Variants in SIPA1L2 observed in about 807,000 individuals in gnomAD.
SIPA1L2 encodes signal-induced proliferation-associated 1-like protein 2.
SIPA1L2 carries 56 observed loss-of-function variants against 163.9 expected under a neutral mutation model. That is an observed-to-expected ratio of 0.34 (90% CI 0.28 to 0.43). The LOEUF is 0.43. Among genes scored for constraint, SIPA1L2 ranks in the 20% least tolerant of loss-of-function variants. The probability of loss-of-function intolerance (pLI) is 1.00; values close to 1 mark genes in which losing one functional copy is unlikely to be tolerated. For synonymous variants in SIPA1L2, 877 were observed against 865.7 expected, an observed-to-expected ratio of 1.01 and a Z score of -0.23; for missense variants, 1,974 against 2,193.5, an observed-to-expected ratio of 0.90 and a Z score of 2.00.
intron 1 of SIPA1L2, among the ~76,000 whole-genome samples, chr1:232,588,731 C>A (rs79694177): frequency 6.6e-6 from 1 of 152,154 alleles, no homozygotes; most frequent in South Asian, 2.1e-4. Flanking sequence ...CTACATATCA[C>A]AACAGATTGA....
At chr1:232,502,399 A>G (rs1666526817) in intron 3 of SIPA1L2, among the ~76,000 whole-genome samples, 1 of 152,188 alleles carries the variant, frequency 6.6e-6, no homozygotes, top group Admixed American at 6.5e-5. Flanking sequence ...TTTTAATCTC[A>G]AAATGCTGAC....
intron 8 of SIPA1L2, among the ~76,000 whole-genome samples, chr1:232,470,632 A>G (rs959282084): frequency 6.6e-6 from 1 of 152,238 alleles, no homozygotes; most frequent in South Asian, 2.1e-4. Context: ...AGGAACTCCA[A>G]TAGGTGTTTT....
intron 1 of SIPA1L2, among the ~76,000 whole-genome samples, chr1:232,595,379 G>A (rs1661204788): frequency 6.6e-6 from 1 of 152,106 alleles, no homozygotes; most frequent in Admixed American, 6.5e-5. Flanking sequence ...GCAAAGTCTG[G>A]GCCCCAAACT....
chr1:232,548,864 G>C (rs930252794), intron 2 of SIPA1L2, among the ~76,000 whole-genome samples: 1 of 152,208 alleles, frequency 6.6e-6, no homozygotes, highest in Non-Finnish European at 1.5e-5. Flanking sequence ...GAGCGAGCAG[G>C]ATCCGTGCAA....
In SIPA1L2 at chr1:232,463,512, G is replaced by C. The variant is rs181626966; in HGVS notation, c.2820+1328C>G. Among the ~76,000 whole-genome samples, 57 of 152,264 alleles carry C rather than the reference G, an allele frequency of 3.7e-4. No individual in the cohort carries two copies. In the East Asian group the frequency reaches 0.01, roughly 28 times the overall value. ...TATATTTGTAATATTGTGCATCTTG[G>C]TCACACTGACAATACACTTTTCTAG... is the stretch of plus-strand genomic sequence containing the variant. On this transcript the variant is annotated intron_variant, in intron 9 of 22. Transcript: ENST00000674635.
rs779874736 is a variant in SIPA1L2, at chr1:232,441,330, T to C, written c.3603A>G (p.Lys1201=). 2.5e-6 allele frequency: 4 copies of C among 1,593,840 alleles called. No homozygotes were observed. The South Asian group carries it at 4.6e-5, about 18-fold the overall frequency. The change falls in exon 14 of 23, where the codon AAA becomes AAG. Residue 1201 remains lysine (K), a synonymous_variant. Coordinates refer to ENST00000674635, the MANE Select transcript of SIPA1L2 (RefSeq NM_020808.5). ...LGSYKERALQ[K]DGSCKDSPNK... ...TGGGGGAATCTTTGCAACTTCCATC[T>C]TTCTGCAGAGCTCTTTCTTTATAGG...
intron 18 of SIPA1L2, among the ~76,000 whole-genome samples, chr1:232,419,152 G>A (rs1015208862): frequency 9.2e-5 from 14 of 152,308 alleles, no homozygotes; most frequent in African/African-American, 2.9e-4. Context: ...ATGATGAGAA[G>A]CTTCTTAATG....
intron 1 of SIPA1L2, among the ~76,000 whole-genome samples, chr1:232,624,748 G>C (rs945495561): frequency 2.0e-5 from 3 of 152,192 alleles, no homozygotes; most frequent in African/African-American, 4.8e-5. Flanking sequence ...AATGGGCAGA[G>C]TTCAAGACAC....
intron 15 of SIPA1L2, among the ~76,000 whole-genome samples, chr1:232,438,079 T>C (rs1427629784): frequency 6.6e-6 from 1 of 151,960 alleles, no homozygotes; most frequent in African/African-American, 2.4e-5. Flanking sequence ...AATGTAAAGG[T>C]CCCTGAATGA....
rs1315900530 is a variant in SIPA1L2 at position 232,572,704 on chromosome 1, T to C, written c.-270+1470A>G. 5.2e-3 allele frequency among the ~76,000 whole-genome samples: 369 copies of C among 71,248 alleles called. 9 individuals carry two copies. The highest frequency in any genetic ancestry group is 0.015 in the African/African-American group (221 of 14,822). The allele number at this position is 71,248 out of a possible 152,430, so 46.7% of individuals were successfully genotyped here. ...ACACACATATACATACATATATATA[T>C]ATATATATATATACACACATATATA... On this transcript the variant is annotated intron_variant, in intron 2 of 22. Coordinates refer to ENST00000674635, the MANE Select transcript of SIPA1L2 (RefSeq NM_020808.5).
intron 2 of SIPA1L2, among the ~76,000 whole-genome samples, chr1:232,518,926 A>G (rs1667330857): frequency 6.6e-6 from 1 of 152,226 alleles, no homozygotes; most frequent in Non-Finnish European, 1.5e-5. Flanking sequence ...AAATATTTAA[A>G]TGAAAAATTC....
intron 2 of SIPA1L2, among the ~76,000 whole-genome samples, chr1:232,529,631 T>C (rs1284514146): frequency 4.6e-5 from 7 of 152,200 alleles, no homozygotes; most frequent in African/African-American, 1.4e-4. Flanking sequence ...TGTCCAGAGT[T>C]GTGCACCTTC....
chr1:232,443,762 C>A, intron 11 of SIPA1L2, 77 bp from the exon 12 acceptor site: 2 of 1,062,254 alleles, frequency 1.9e-6, no homozygotes, highest in Non-Finnish European at 2.7e-6. Flanking sequence ...TTTTGTTTCA[C>A]AAATAAATAT....
chr1:232,399,362 T>C, intron 22 of SIPA1L2, 89 bp from the exon 23 acceptor site: 1 of 1,416,472 alleles, frequency 7.1e-7, no homozygotes, highest in Non-Finnish European at 9.6e-7. Context: ...TTGATTCTTA[T>C]TTTTACTTAT....
At chr1:232,604,511 G>C (rs1006300875) in intron 1 of SIPA1L2, among the ~76,000 whole-genome samples, 2 of 152,198 alleles carry the variant, frequency 1.3e-5, no homozygotes, top group Non-Finnish European at 2.9e-5. Flanking sequence ...TTTCACAATA[G>C]ATACTCTAAT....
intron 2 of SIPA1L2, among the ~76,000 whole-genome samples, chr1:232,549,089 G>A (rs1658228682): frequency 6.6e-6 from 1 of 152,148 alleles, no homozygotes; most frequent in Admixed American, 6.5e-5. Flanking sequence ...CACACCAAAA[G>A]GGACATGGAG....
chr1:232,425,178 C>T (rs888102973), intron 18 of SIPA1L2, among the ~76,000 whole-genome samples: 9 of 152,106 alleles, frequency 5.9e-5, no homozygotes, highest in Non-Finnish European at 1.2e-4. Flanking sequence ...CTGAACTGCA[C>T]GAAGAAACTG....
chr1:232,596,802 G>A (rs575406362), intron 1 of SIPA1L2, among the ~76,000 whole-genome samples: 6 of 152,184 alleles, frequency 3.9e-5, no homozygotes, highest in Non-Finnish European at 8.8e-5. Context: ...CCTGTGAGGG[G>A]ATCGATGAGT....
At chr1:232,442,121 G>GC (rs1662938399) in intron 12 of SIPA1L2, among the ~76,000 whole-genome samples, 1 of 152,228 alleles carries the variant, frequency 6.6e-6, no homozygotes, top group Admixed American at 6.5e-5. Context: ...GATAAAGAAG[G>GC]GCTGCTGACA....
Sources: allele counts gnomAD v4.1 joint callset (sites outside exome capture counted in the v4.1 genomes callset), GRCh38; gene constraint gnomAD v4.1.1; transcripts MANE v1.5; gene names NCBI Gene and HGNC (gene_info 2026-07-23, HGNC 2026-07-21).